The following CCNG1 variants were observed in gnomAD, a reference collection of about 807,000 sequenced individuals.
CCNG1 encodes the protein cyclin G1, also known as cyclin-G1.
In CCNG1, 13 loss-of-function variants were observed where a neutral mutation model predicts 30.0. The observed-to-expected ratio is 0.43, with a 90% CI of 0.28 to 0.69. CCNG1 has a LOEUF of 0.69. Among genes scored for constraint, CCNG1 ranks in the 30% least tolerant of loss-of-function variants. The pLI is 0.16. For missense variants in CCNG1, 285 were observed against 331.4 expected, an observed-to-expected ratio of 0.86 and a Z score of 1.09; for synonymous variants, 110 against 121.5, an observed-to-expected ratio of 0.91 and a Z score of 0.62.
chr5:163,455,620 C>A, the CCNG1 span, among the ~76,000 whole-genome samples: 6 of 151,822 alleles, frequency 4.0e-5, no homozygotes, highest in Non-Finnish European at 7.4e-5. Context: ...AAAAATTAGC[C>A]GTGCGTGGTG....
intron 1 of CCNG1, 122 bp from the exon 2 acceptor site, chr5:163,439,135 G>T (rs915793143): frequency 1.2e-6 from 1 of 807,550 alleles, no homozygotes; most frequent in Non-Finnish European, 2.0e-6. Context: ...TGACTTAGAT[G>T]CACTAGCCGC....
the CCNG1 span, among the ~76,000 whole-genome samples, chr5:163,454,900 G>T: frequency 6.6e-6 from 1 of 152,180 alleles, no homozygotes; most frequent in African/African-American, 2.4e-5. Flanking sequence ...AGCAGGAGGA[G>T]ACAAACCATA....
At chr5:163,438,761 C>T (rs1757629565) in intron 1 of CCNG1, among the ~76,000 whole-genome samples, 2 of 152,226 alleles carry the variant, frequency 1.3e-5, no homozygotes, top group African/African-American at 4.8e-5. Context: ...GGCGCGGTGG[C>T]TCACGCCTGT....
Position 163,440,182 on chromosome 5 carries a change from AAC to A in CCNG1, c.264+666_264+667del, listed in dbSNP as rs775760528. ...ACTCATATTTTAGTCCTCGGTATCT[AAC>A]ACAGTGCATCATAAAAAAGGACTTC... On this transcript the variant is annotated intron_variant, in intron 2 of 6. Transcript: ENST00000340828. Among the ~76,000 whole-genome samples the A allele has an allele frequency of 2.4e-4, 37 of 152,146 alleles. 1 individual carries two copies. Among genetic ancestry groups the A allele is most frequent in the Non-Finnish European group, 5.9e-5 (4 of 68,030 alleles).
chr5:163,445,612 C>A (rs1758020981), downstream of CCNG1, among the ~76,000 whole-genome samples: 1 of 98,374 alleles, frequency 1.0e-5, no homozygotes, highest in African/African-American at 3.6e-5. Flanking sequence ...TGCCACCGCA[C>A]CCAGCTAATT....
the CCNG1 span, among the ~76,000 whole-genome samples, chr5:163,456,773 T>A: frequency 6.6e-6 from 1 of 152,184 alleles, no homozygotes; most frequent in Non-Finnish European, 1.5e-5. Context: ...ATCAAATCCA[T>A]ACAAGAAAGG....
chr5:163,439,720 A>G (rs1006025960), intron 2 of CCNG1, 200 bp downstream of exon 2: 1 of 496,768 alleles, frequency 2.0e-6, no homozygotes, highest in Non-Finnish European at 3.5e-6. Flanking sequence ...TTCTGAAATG[A>G]AAAATAGTCT....
At position 163,444,179 on chromosome 5, in the gene CCNG1, A is replaced by C. The variant is rs2291790; in HGVS notation, c.*509A>C. The C allele has an allele frequency of 9.4e-4, 145 of 154,004 alleles. 1 individual carries two copies. In the East Asian group the frequency reaches 0.025, roughly 26 times the overall value. 9.5% of individuals were successfully genotyped at this position (154,004 alleles called of 1,614,324 possible). ...AAGGGTTAACATTCTAGGCAGTATA[A>C]ACACACCCCATAATGCAAGTAATAG... On this transcript the variant is annotated 3_prime_UTR_variant, in exon 7 of 7. Transcript: ENST00000340828.
intron 3 of CCNG1, 101 bp from the exon 4 acceptor site, chr5:163,441,785 A>G: frequency 4.3e-6 from 3 of 700,566 alleles, no homozygotes; most frequent in Non-Finnish European, 7.4e-6. Context: ...TTAAGTGTGC[A>G]TAAGCTTTAC....
At chr5:163,450,159 A>G (rs1489122742), downstream of CCNG1, 1 of 152,126 alleles carries the variant, frequency 6.6e-6, no homozygotes, top group Non-Finnish European at 1.5e-5. Flanking sequence ...TACTTGGGAG[A>G]CTGAAGCACA....
chr5:163,440,511 G>A (rs1244262137), intron 2 of CCNG1, among the ~76,000 whole-genome samples: 1 of 152,164 alleles, frequency 6.6e-6, no homozygotes, highest in Admixed American at 6.5e-5. Flanking sequence ...CATGTGAGCT[G>A]GAAGTAAACT....
At chr5:163,442,211 G>C in intron 5 of CCNG1, 68 bp downstream of exon 5, 1 of 1,161,308 alleles carries the variant, frequency 8.6e-7, no homozygotes, top group Non-Finnish European at 1.2e-6. Context: ...TCTATCTCCT[G>C]AAGTAAAATG....
chr5:163,452,229 CATTATAT>C, the CCNG1 span: 1 of 152,098 alleles, frequency 6.6e-6, no homozygotes, highest in Non-Finnish European at 1.5e-5. Flanking sequence ...TAAAGACATG[CATTATAT>C]ATACACACCA....
rs1235496021 is a variant in CCNG1, at chr5:163,441,125, G to C, written c.312G>C (p.Leu104Phe). 1 of 1,613,756 alleles carries C rather than the reference G, an allele frequency of 6.2e-7. No homozygotes were observed. Among genetic ancestry groups the C allele is most frequent in the African/African-American group, 1.3e-5 (1 of 74,872 alleles). Residue 104 changes from leucine (L) to phenylalanine (F), a missense_variant, in exon 3 of 7, where the codon TTG becomes TTC. Coordinates refer to ENST00000340828, the MANE Select transcript of CCNG1 (RefSeq NM_004060.4). ...GTGTTGGACTGAGCTGCTTTTATTT[G>C]GCTGTAAAATCAATAGAAGAGGAAA... ...LGCVGLSCFY[L>F]AVKSIEEERN...
At position 163,439,413 on chromosome 5, in the gene CCNG1, G is replaced by A. The variant is rs1757692861; in HGVS notation, c.157G>A (p.Asp53Asn). The change falls in exon 2 of 7, where the codon GAC becomes AAC. Residue 53 changes from aspartate (D) to asparagine (N), a missense_variant. Coordinates refer to ENST00000340828, the MANE Select transcript of CCNG1 (RefSeq NM_004060.4). ...CCTCAGAATGACTGCAAGACTAAGG[G>A]ACTTTGAAGTAAAAGATCTTCTTAG... ...NGLRMTARLR[D>N]FEVKDLLSLT... 1.9e-6 allele frequency: 3 copies of A among 1,614,068 alleles called. No homozygotes were observed. Among genetic ancestry groups the A allele is most frequent in the Middle Eastern group, 3.3e-4 (2 of 6,060 alleles).
At chr5:163,457,104 A>G in the CCNG1 span, 5 of 1,550,042 alleles carry the variant, frequency 3.2e-6, no homozygotes, top group Admixed American at 2.0e-5. Flanking sequence ...ACACACACAC[A>G]CACGCACAAA....
chr5:163,448,523 T>C (rs1372994584), downstream of CCNG1: 3 of 152,200 alleles, frequency 2.0e-5, no homozygotes, highest in Non-Finnish European at 2.9e-5. Context: ...AATTGAACCA[T>C]TGTTTAAAAC....
downstream of CCNG1, chr5:163,446,966 A>G (rs1758052456): frequency 6.6e-6 from 1 of 152,248 alleles, no homozygotes; most frequent in Admixed American, 6.5e-5. Flanking sequence ...AGATCACACC[A>G]CTGCTCTCCA....
the CCNG1 span, among the ~76,000 whole-genome samples, chr5:163,455,725 C>T: frequency 7.0e-6 from 1 of 142,682 alleles, no homozygotes; most frequent in East Asian, 2.1e-4. Context: ...GATCGCACCA[C>T]TCCATCTCAG....
Sources: allele counts gnomAD v4.1 joint callset (sites outside exome capture counted in the v4.1 genomes callset), GRCh38; gene constraint gnomAD v4.1.1; transcripts MANE v1.5; gene names NCBI Gene and HGNC (gene_info 2026-07-23, HGNC 2026-07-21).